CACHD1: variants seen among roughly 807,000 people sequenced by gnomAD.
CACHD1 encodes cache domain containing 1, also known as VWFA and cache domain-containing protein 1.
A neutral mutation model predicts 138.7 loss-of-function variants in CACHD1; 71 were observed. The ratio of observed to expected loss-of-function variants is 0.51; its 90% CI spans 0.42 to 0.62. The LOEUF (loss-of-function observed/expected upper bound fraction) is 0.62, where lower values mean the gene tolerates loss of function less well. Among genes scored for constraint, CACHD1 ranks in the 20% least tolerant of loss-of-function variants. The pLI, the probability that CACHD1 is intolerant of heterozygous loss-of-function variation, is 0.00. For missense variants in CACHD1, 1,389 were observed against 1,625.3 expected (o/e 0.85, Z 2.50); for synonymous variants, 578 against 591.5 (o/e 0.98, Z 0.33).
intron 24 of CACHD1, among the ~76,000 whole-genome samples, chr1:64,680,403 G>A (rs1413470590): frequency 2.6e-5 from 4 of 151,836 alleles, no homozygotes; most frequent in East Asian, 1.9e-4. Flanking sequence ...CAGGAGAATC[G>A]CTTGAACCCA....
At position 64,602,928 on chromosome 1, in the gene CACHD1, G is replaced by C. The variant is rs1470401656; in HGVS notation, c.517+16G>C. On this transcript the variant is annotated intron_variant, in intron 4 of 26. Coordinates refer to ENST00000651257, the MANE Select transcript of CACHD1 (RefSeq NM_020925.4). The stretch of plus-strand genomic sequence containing the variant: ...TTAAATTCAGGTCAGTAATCCATTG[G>C]CTTTATAAAGATGAACTGTATTCTA... 6.7e-7 allele frequency: 1 copy of C among 1,501,394 alleles called. No homozygotes were observed. The highest frequency in any genetic ancestry group is 9.3e-7 in the Non-Finnish European group (1 of 1,078,082). 93.0% of individuals were successfully genotyped at this position (1,501,394 alleles called of 1,614,324 possible).
chr1:64,691,062 T>A lies in CACHD1; in HGVS notation c.3587-261T>A, dbSNP rs1160339905. 5.6e-5 allele frequency among the ~76,000 whole-genome samples: 7 copies of A among 124,214 alleles called. No individual in the cohort carries two copies. The East Asian group carries it at 1.5e-3, about 27-fold the overall frequency. 81.5% of individuals were successfully genotyped at this position (124,214 alleles called of 152,430 possible). On this transcript the variant is annotated intron_variant, in intron 26 of 26. Transcript: ENST00000651257. ...ATTTGGGATAAGGGTTCTTGTTTAT[T>A]TTTTTTTTCTCCTCTGTACTTTCTC... is the stretch of plus-strand genomic sequence containing the variant.
At position 64,540,363 on chromosome 1, in the gene CACHD1, G is replaced by A. The variant is rs116623196; in HGVS notation, c.199-10231G>A. ...GTGTTGGGAGAGTGAAAATAGGGGA[G>A]TGGAAATTTGGCACCATCTGCAAAG... On this transcript the variant is annotated intron_variant, in intron 1 of 26. Coordinates refer to ENST00000651257, the MANE Select transcript of CACHD1 (RefSeq NM_020925.4). Among the ~76,000 whole-genome samples the A allele has an allele frequency of 2.1e-3, 313 of 152,200 alleles. 1 individual carries two copies. The highest frequency in any genetic ancestry group is 3.5e-3 in the Admixed American group (54 of 15,280).
At chr1:64,575,012 A>G (rs1367302420) in intron 2 of CACHD1, among the ~76,000 whole-genome samples, 5 of 152,210 alleles carry the variant, frequency 3.3e-5, no homozygotes, top group African/African-American at 1.2e-4. Flanking sequence ...TTATAGCTTT[A>G]TCCTTTTACT....
intron 4 of CACHD1, among the ~76,000 whole-genome samples, chr1:64,618,641 G>A (rs1156696176): frequency 6.6e-6 from 1 of 152,130 alleles, no homozygotes; most frequent in African/African-American, 2.4e-5. Flanking sequence ...TGGGAAGTGG[G>A]AATTGGGAAG....
chr1:64,488,045 C>T (rs960312384), intron 1 of CACHD1, among the ~76,000 whole-genome samples: 3 of 152,160 alleles, frequency 2.0e-5, no homozygotes, highest in Non-Finnish European at 4.4e-5. Flanking sequence ...TCTCTAATTT[C>T]TGGTTGGCTG....
chr1:64,602,802 T>G lies in CACHD1; in HGVS notation c.411-4T>G, dbSNP rs746179035. ...GTATTGCTAATTCTCTCCTATTGTT[T>G]CAGATTCGATGGGAACTTTAATACC... On this transcript the variant is annotated splice_polypyrimidine_tract_variant and splice_region_variant and intron_variant, in intron 3 of 26. Coordinates refer to ENST00000651257, the MANE Select transcript of CACHD1 (RefSeq NM_020925.4). 1 of 1,600,754 alleles carries G rather than the reference T, an allele frequency of 6.2e-7. No individual in the cohort carries two copies. Among genetic ancestry groups the G allele is most frequent in the Non-Finnish European group, 8.6e-7 (1 of 1,168,076 alleles).
In CACHD1 at chr1:64,476,091, C is replaced by T. The variant is rs562556073; in HGVS notation, c.198+5149C>T. Reference sequence around the variant, plus strand: ...TCAGTGAAATGTCCACACACACAGGCCAGTCCTGAAGGAAGCAGCAGCAGC... The same window carrying T: ...TCAGTGAAATGTCCACACACACAGGTCAGTCCTGAAGGAAGCAGCAGCAGC... On this transcript the variant is annotated intron_variant, in intron 1 of 26. Transcript: ENST00000651257. 4.4e-5 allele frequency among the ~76,000 whole-genome samples: 6 copies of T among 136,280 alleles called. No individual in the cohort carries two copies. The East Asian group carries it at 1.2e-3, about 26-fold the overall frequency. The allele number at this position is 136,280 out of a possible 152,430, so 89.4% of individuals were successfully genotyped here. A position where few individuals can be genotyped will look rare whatever the true frequency, so the allele number is the denominator to read the frequency against.
chr1:64,479,345 T>G (rs1443671165), intron 1 of CACHD1, among the ~76,000 whole-genome samples: 1 of 152,152 alleles, frequency 6.6e-6, no homozygotes, highest in Non-Finnish European at 1.5e-5. Context: ...GGAGAAAGTG[T>G]CAGGGATGTT....
chr1:64,604,056 A>G (rs1217563253), intron 4 of CACHD1, among the ~76,000 whole-genome samples: 5 of 152,340 alleles, frequency 3.3e-5, no homozygotes, highest in Admixed American at 2.0e-4. Flanking sequence ...TAGACACATA[A>G]AGCCGAAGAG....
intron 16 of CACHD1, among the ~76,000 whole-genome samples, chr1:64,670,553 T>A (rs1557549539): frequency 6.6e-6 from 1 of 152,176 alleles, no homozygotes; most frequent in Non-Finnish European, 1.5e-5. Context: ...CAGTTACCCA[T>A]GAGCATAGAT....
chr1:64,560,289 G>T (rs1479714157), intron 2 of CACHD1, among the ~76,000 whole-genome samples: 1 of 151,382 alleles, frequency 6.6e-6, no homozygotes, highest in African/African-American at 2.4e-5. Flanking sequence ...AGTGTTTTAG[G>T]TTGGAACATT....
chr1:64,627,245 A>G (rs1405838466), intron 4 of CACHD1, among the ~76,000 whole-genome samples: 1 of 152,076 alleles, frequency 6.6e-6, no homozygotes, highest in Non-Finnish European at 1.5e-5. Context: ...TGTCTCTACA[A>G]AAATAAAAAA....
intron 2 of CACHD1, among the ~76,000 whole-genome samples, 183 bp downstream of exon 2, chr1:64,550,839 T>G (rs1298959279): frequency 6.6e-6 from 1 of 152,328 alleles, no homozygotes; most frequent in East Asian, 1.9e-4. Context: ...GGTTAAAAAC[T>G]TATATGCATG....
chr1:64,630,603 G>T (rs1648268766), intron 5 of CACHD1, among the ~76,000 whole-genome samples: 1 of 152,104 alleles, frequency 6.6e-6, no homozygotes, highest in African/African-American at 2.4e-5. Flanking sequence ...TATTTTTATT[G>T]TGTGTGTGGT....
chr1:64,590,648 T>G (rs1356561431), intron 3 of CACHD1, among the ~76,000 whole-genome samples: 1 of 151,832 alleles, frequency 6.6e-6, no homozygotes, highest in Non-Finnish European at 1.5e-5. Flanking sequence ...GGGACTTAGC[T>G]TCAAGTCAAG....
intron 3 of CACHD1, among the ~76,000 whole-genome samples, chr1:64,582,995 T>A (rs1647024254): frequency 6.6e-6 from 1 of 152,244 alleles, no homozygotes; most frequent in Admixed American, 6.5e-5. Flanking sequence ...AATAATCTTA[T>A]ACCAATTTTC....
At chr1:64,541,540 G>A (rs1278392934) in intron 1 of CACHD1, among the ~76,000 whole-genome samples, 1 of 152,192 alleles carries the variant, frequency 6.6e-6, no homozygotes, top group Non-Finnish European at 1.5e-5. Context: ...GGGAGCAGTG[G>A]TTTACACCTG....
intron 4 of CACHD1, among the ~76,000 whole-genome samples, chr1:64,610,157 C>A (rs765454165): frequency 6.6e-6 from 1 of 152,174 alleles, no homozygotes; most frequent in Non-Finnish European, 1.5e-5. Flanking sequence ...CCCACTGGGT[C>A]CCTCCCATGA....
Sources: gnomAD v4.1 joint callset for allele counts (sites outside exome capture counted in the v4.1 genomes callset) on GRCh38, gnomAD v4.1.1 for gene constraint, MANE v1.5 for transcripts, NCBI Gene and HGNC (gene_info 2026-07-23, HGNC 2026-07-21) for gene names.